ERC1: variants seen among roughly 807,000 people sequenced by gnomAD.
ERC1 encodes the protein ELKS/RAB6-interacting/CAST family member 1.
Under a neutral mutation model 132.0 loss-of-function variants are expected in ERC1, and 56 were observed. That is an observed-to-expected ratio of 0.42 (90% confidence interval 0.34 to 0.53). The LOEUF (loss-of-function observed/expected upper bound fraction) is 0.53, where lower values mean the gene tolerates loss of function less well. ERC1 is among the 20% of genes least tolerant of loss of function. The probability of loss-of-function intolerance (pLI) is 0.03; values close to 1 mark genes in which losing one functional copy is unlikely to be tolerated. For synonymous variants in ERC1, 478 were observed against 476.1 expected (o/e 1.00, Z -0.05); for missense variants, 1,202 against 1,349.9 (o/e 0.89, Z 1.72).
chr12:1,151,145 T>G (rs1336702959), intron 8 of ERC1, among the ~76,000 whole-genome samples: 1 of 152,214 alleles, frequency 6.6e-6, no homozygotes, highest in Non-Finnish European at 1.5e-5. Context: ...GGCAGTGTAT[T>G]AGGGTTAAGA....
intron 16 of ERC1, among the ~76,000 whole-genome samples, chr12:1,373,295 T>G (rs2087466514): frequency 6.6e-6 from 1 of 152,246 alleles, no homozygotes; most frequent in Admixed American, 6.5e-5. Flanking sequence ...TGTGGGAGTT[T>G]ATATATTCAG....
intron 12 of ERC1, among the ~76,000 whole-genome samples, chr12:1,197,837 T>C (rs528296367): frequency 6.6e-6 from 1 of 152,308 alleles, no homozygotes; most frequent in African/African-American, 2.4e-5. Context: ...AGGCTGGTCA[T>C]CCCAGTTATC....
chr12:1,048,449 C>G (rs543952078), intron 2 of ERC1, among the ~76,000 whole-genome samples: 1 of 152,190 alleles, frequency 6.6e-6, no homozygotes, highest in South Asian at 2.1e-4. Flanking sequence ...CATGTGTTCC[C>G]CATTTTGGCT....
intron 15 of ERC1, among the ~76,000 whole-genome samples, chr12:1,362,170 A>G (rs929570927): frequency 9.2e-5 from 14 of 152,172 alleles, no homozygotes; most frequent in African/African-American, 2.9e-4. Flanking sequence ...ATTTAACACT[A>G]AGTGGCCAAA....
At chr12:1,206,117 T>G (rs1192621543) in intron 12 of ERC1, among the ~76,000 whole-genome samples, 1 of 152,124 alleles carries the variant, frequency 6.6e-6, no homozygotes, top group Non-Finnish European at 1.5e-5. Context: ...TAGTCATTGT[T>G]TTTTCAGTGG....
intron 14 of ERC1, among the ~76,000 whole-genome samples, chr12:1,269,107 G>A (rs2077653844): frequency 6.6e-6 from 1 of 152,130 alleles, no homozygotes. Flanking sequence ...TTATTCAGTG[G>A]GTGCTGTTGT....
intron 3 of ERC1, 47 bp from the exon 4 acceptor site, chr12:1,104,703 A>G (rs1318127714): frequency 7.5e-7 from 1 of 1,333,710 alleles, no homozygotes; most frequent in Non-Finnish European, 1.1e-6. Flanking sequence ...GAAAAAAATG[A>G]GGGTGAACAG....
intron 17 of ERC1, among the ~76,000 whole-genome samples, chr12:1,425,437 C>A (rs2092605175): frequency 6.6e-6 from 1 of 152,198 alleles, no homozygotes; most frequent in Non-Finnish European, 1.5e-5. Flanking sequence ...AGCATTCTCA[C>A]CAGCCCAAAT....
At chr12:1,228,773 G>A (rs759253985) in intron 12 of ERC1, among the ~76,000 whole-genome samples, 3 of 152,120 alleles carry the variant, frequency 2.0e-5, no homozygotes, top group Non-Finnish European at 2.9e-5. Flanking sequence ...TACTTTTTCA[G>A]ATGATTGTGT....
intron 12 of ERC1, among the ~76,000 whole-genome samples, chr12:1,211,726 A>ATT (rs570942559): frequency 1.1e-4 from 16 of 140,854 alleles, no homozygotes; most frequent in East Asian, 4.1e-4. Context: ...CGCCCAGCTA[A>ATT]TTTTTTTTTT....
intron 13 of ERC1, among the ~76,000 whole-genome samples, chr12:1,256,070 T>G (rs2076792858): frequency 6.6e-6 from 1 of 152,150 alleles, no homozygotes; most frequent in Non-Finnish European, 1.5e-5. Context: ...TTCATATCCT[T>G]TGCCCATTTT....
intron 13 of ERC1, among the ~76,000 whole-genome samples, chr12:1,245,422 T>C (rs2076099135): frequency 6.6e-6 from 1 of 152,252 alleles, no homozygotes; most frequent in Non-Finnish European, 1.5e-5. Flanking sequence ...GATTCATTTG[T>C]ATTAGTTATA....
intron 2 of ERC1, among the ~76,000 whole-genome samples, chr12:1,047,965 AT>A (rs1407124383): frequency 5.3e-5 from 8 of 152,146 alleles, no homozygotes; most frequent in Non-Finnish European, 2.9e-5. Context: ...GTTAAGGTTG[AT>A]TTTTGACTTG....
chr12:1,411,014 C>CATT (rs766099269), intron 17 of ERC1, among the ~76,000 whole-genome samples: 11 of 152,062 alleles, frequency 7.2e-5, no homozygotes, highest in Non-Finnish European at 1.3e-4. Context: ...GGGGCTTTGG[C>CATT]ATTACCCTCA....
At chr12:1,271,805 A>G (rs1170497974) in intron 14 of ERC1, among the ~76,000 whole-genome samples, 1 of 152,208 alleles carries the variant, frequency 6.6e-6, no homozygotes, top group East Asian at 1.9e-4. Flanking sequence ...TCTCAACCAG[A>G]AACTAAGTTC....
Position 1,063,404 on chromosome 12 carries a change from G to T in ERC1, c.670-19760G>T, listed in dbSNP as rs527837493. On this transcript the variant is annotated intron_variant, in intron 2 of 18. Coordinates refer to ENST00000360905, the MANE Select transcript of ERC1 (RefSeq NM_178040.4). ...GCCTCCTGGGTATCTGGGATTACAGGCATGTGCCACCACGCCTGGCTAATT... is the reference window on the plus strand; with the variant it reads ...GCCTCCTGGGTATCTGGGATTACAGTCATGTGCCACCACGCCTGGCTAATT... Among the ~76,000 whole-genome samples, 4 of 152,312 alleles carry T rather than the reference G, an allele frequency of 2.6e-5. No homozygotes were observed. In the South Asian group the frequency reaches 8.3e-4, roughly 32 times the overall value.
At chr12:1,181,783 C>CAAAAAA in intron 9 of ERC1, 142 bp from the exon 10 acceptor site, 3 of 699,816 alleles carry the variant, frequency 4.3e-6, no homozygotes, top group South Asian at 2.9e-5. Context: ...AACTCTGTCT[C>CAAAAAA]AAAAAAAAAA....
chr12:1,320,833 C>T (rs1217348521), intron 15 of ERC1, among the ~76,000 whole-genome samples: 1 of 152,182 alleles, frequency 6.6e-6, no homozygotes, highest in African/African-American at 2.4e-5. Flanking sequence ...TCCCGAGTAG[C>T]TGGGACTACA....
At position 1,028,170 on chromosome 12, in the gene ERC1, G is replaced by C. The variant is rs924791078; in HGVS notation, c.267G>C (p.Met89Ile). 6.2e-7 allele frequency: 1 copy of C among 1,614,202 alleles called. No homozygotes were observed. Among genetic ancestry groups the C allele is most frequent in the African/African-American group, 1.3e-5 (1 of 75,050 alleles). Residue 89 changes from methionine (M) to isoleucine (I), a missense_variant, in exon 2 of 19, where the codon ATG becomes ATC. Met to Ile is a conservative substitution (Grantham distance 10, BLOSUM62 1). Coordinates refer to ENST00000360905, the MANE Select transcript of ERC1 (RefSeq NM_178040.4). ...GTTCAGAAACACCTAAAAGCACCAT[G>C]ACACTTGGCCGTTCTGGGGGACGTC... ...NVGSETPKST[M>I]TLGRSGGRLP...
Sources: gnomAD v4.1 joint callset for allele counts (sites outside exome capture counted in the v4.1 genomes callset) on GRCh38, gnomAD v4.1.1 for gene constraint, MANE v1.5 for transcripts, NCBI Gene and HGNC (gene_info 2026-07-23, HGNC 2026-07-21) for gene names.